IQGAP2: variants seen among roughly 807,000 people sequenced by gnomAD.
The protein encoded by IQGAP2 is IQ motif containing GTPase activating protein 2.
A neutral mutation model predicts 201.3 loss-of-function variants in IQGAP2; 173 were observed. That is an observed-to-expected ratio of 0.86 (90% CI 0.76 to 0.98). The LOEUF is 0.98. Among genes scored for constraint, IQGAP2 ranks in the 50% least tolerant of loss-of-function variants. The probability of loss-of-function intolerance (pLI) is 0.00; values close to 1 mark genes in which losing one functional copy is unlikely to be tolerated. For synonymous variants in IQGAP2, 675 were observed against 673.9 expected (o/e 1.00, Z -0.03); for missense variants, 1,687 against 1,864.8 (o/e 0.90, Z 1.76).
chr5:76,516,623 G>A (rs1000357077), intron 2 of IQGAP2, among the ~76,000 whole-genome samples: 4 of 150,774 alleles, frequency 2.7e-5, no homozygotes, highest in Non-Finnish European at 4.4e-5. Context: ...GCGTGTGTTG[G>A]GGGAGGGGGT....
intron 35 of IQGAP2, among the ~76,000 whole-genome samples, chr5:76,705,386 T>A (rs1048596042): frequency 1.3e-5 from 2 of 152,212 alleles, no homozygotes; most frequent in African/African-American, 4.8e-5. Flanking sequence ...AGTTATGTCA[T>A]GTTGCAAGGT....
At chr5:76,496,729 C>CTTTTCTTTCTTTCTTTCTTTCT (rs1268116626) in intron 2 of IQGAP2, among the ~76,000 whole-genome samples, 6 of 31,668 alleles carry the variant, frequency 1.9e-4, no homozygotes, top group African/African-American at 8.7e-4. Flanking sequence ...TCTTTCTTTT[C>CTTTTCTTTCTTTCTTTCTTTCT]TTTCTTTCTT....
At chr5:76,692,166 A>G (rs141997064) in intron 30 of IQGAP2, among the ~76,000 whole-genome samples, 209 of 152,200 alleles carry the variant, frequency 1.4e-3, no homozygotes, top group African/African-American at 4.9e-3. Flanking sequence ...CTAGATATCT[A>G]TCTGAGATGG....
At chr5:76,560,764 G>A (rs1744309778) in intron 2 of IQGAP2, among the ~76,000 whole-genome samples, 1 of 152,120 alleles carries the variant, frequency 6.6e-6, no homozygotes, top group Admixed American at 6.6e-5. Context: ...GCTCTTTGAA[G>A]GCAAGGCTTA....
At chr5:76,618,067 A>G in intron 13 of IQGAP2, 1 of 1,614,156 alleles carries the variant, frequency 6.2e-7, no homozygotes, top group South Asian at 1.1e-5. Flanking sequence ...ACCAGTCCAC[A>G]TGTTACCAAG....
At chr5:76,666,110 C>T (rs1743735019) in intron 22 of IQGAP2, among the ~76,000 whole-genome samples, 1 of 152,120 alleles carries the variant, frequency 6.6e-6, no homozygotes, top group Non-Finnish European at 1.5e-5. Flanking sequence ...TGGAGAAACA[C>T]GATGTTAATT....
chr5:76,666,311 G>A (rs1743755606), intron 22 of IQGAP2, among the ~76,000 whole-genome samples: 1 of 152,164 alleles, frequency 6.6e-6, no homozygotes, highest in Non-Finnish European at 1.5e-5. Flanking sequence ...CTTTAAACAG[G>A]AAAGGACTTT....
intron 2 of IQGAP2, among the ~76,000 whole-genome samples, chr5:76,521,367 T>A (rs1196329301): frequency 6.6e-6 from 1 of 152,208 alleles, no homozygotes; most frequent in Non-Finnish European, 1.5e-5. Flanking sequence ...CGTCACTATT[T>A]CCTATTTCTC....
At chr5:76,516,572 A>C (rs1208945715) in intron 2 of IQGAP2, among the ~76,000 whole-genome samples, 2 of 152,338 alleles carry the variant, frequency 1.3e-5, no homozygotes, top group Non-Finnish European at 2.9e-5. Flanking sequence ...GAGAAACTCC[A>C]AATATAAGGA....
At chr5:76,693,798 A>T in intron 31 of IQGAP2, 1 of 164,406 alleles carries the variant, frequency 6.1e-6, no homozygotes, top group Non-Finnish European at 1.3e-5. Flanking sequence ...CATTTTATGT[A>T]TTTACTAACT....
intron 2 of IQGAP2, among the ~76,000 whole-genome samples, chr5:76,557,357 TG>T (rs1313339631): frequency 6.6e-6 from 1 of 152,220 alleles, no homozygotes; most frequent in Non-Finnish European, 1.5e-5. Flanking sequence ...CTCTTCCTTA[TG>T]GGGTCATCAT....
intron 31 of IQGAP2, among the ~76,000 whole-genome samples, chr5:76,694,317 C>A (rs1467622717): frequency 1.3e-5 from 2 of 152,184 alleles, no homozygotes; most frequent in Admixed American, 6.5e-5. Flanking sequence ...CTTCAAATCA[C>A]ACGTTTGTTA....
chr5:76,412,901 C>T (rs1409759764), intron 1 of IQGAP2, among the ~76,000 whole-genome samples: 3 of 152,112 alleles, frequency 2.0e-5, no homozygotes, highest in Non-Finnish European at 4.4e-5. Flanking sequence ...GTGGAAAATG[C>T]ATCATCAAAG....
chr5:76,648,534 A>C (rs567091085), intron 17 of IQGAP2, among the ~76,000 whole-genome samples: 63 of 152,372 alleles, frequency 4.1e-4, no homozygotes, highest in African/African-American at 1.4e-3. Context: ...ACTTAAGTTT[A>C]AAATAACAAT....
In IQGAP2 at chr5:76,582,608, C is replaced by T. The variant is rs116575996; in HGVS notation, c.459-6298C>T. Among the ~76,000 whole-genome samples, 1,409 of 152,250 alleles carry T rather than the reference C, an allele frequency of 9.3e-3. 23 individuals carry two copies. The highest frequency in any genetic ancestry group is 0.032 in the African/African-American group (1,321 of 41,538). ...CAAGAAAGCTGAAATAAATTTAGCT[C>T]CTGCCTTTTAAGTTTGCATTTCATT... On this transcript the variant is annotated intron_variant, in intron 5 of 35. Coordinates refer to ENST00000274364, the MANE Select transcript of IQGAP2 (RefSeq NM_006633.5).
At chr5:76,464,152 A>C (rs750243513) in intron 2 of IQGAP2, among the ~76,000 whole-genome samples, 1 of 152,180 alleles carries the variant, frequency 6.6e-6, no homozygotes, top group African/African-American at 2.4e-5. Context: ...TACTCGGCCA[A>C]GACACAAATA....
chr5:76,623,432 C>T (rs1248728122), intron 13 of IQGAP2: 1 of 598,190 alleles, frequency 1.7e-6, no homozygotes, highest in Non-Finnish European at 2.9e-6. Context: ...CTTCAGTAAG[C>T]ATGACTCAGG....
At chr5:76,459,139 T>A (rs1450005593) in intron 1 of IQGAP2, among the ~76,000 whole-genome samples, 1 of 152,196 alleles carries the variant, frequency 6.6e-6, no homozygotes, top group Non-Finnish European at 1.5e-5. Flanking sequence ...AATTCACACA[T>A]TAAGTAAAAT....
Position 76,597,442 on chromosome 5 carries a change from A to T in IQGAP2, c.911A>T (p.Gln304Leu). The T allele has an allele frequency of 6.2e-7, 1 of 1,613,878 alleles. No homozygotes were observed. Among genetic ancestry groups the T allele is most frequent in the Non-Finnish European group, 8.5e-7 (1 of 1,179,900 alleles). The change falls in exon 10 of 36, where the codon CAG becomes CTG. Residue 304 changes from glutamine to leucine, a missense_variant. Coordinates refer to ENST00000274364, the MANE Select transcript of IQGAP2 (RefSeq NM_006633.5). Reference sequence around the variant, plus strand: ...AAACATGAACCCCCATCCTCAGGGCAGGCTGCAGTGGACCATATCAATGCT... The same window carrying T: ...AAACATGAACCCCCATCCTCAGGGCTGGCTGCAGTGGACCATATCAATGCT... ...IQGNINKVNRQAAVDHINAVI... is the reference protein window; with the variant it reads ...IQGNINKVNRLAAVDHINAVI...
Sources: gnomAD v4.1 joint callset for allele counts (sites outside exome capture counted in the v4.1 genomes callset) on GRCh38, gnomAD v4.1.1 for gene constraint, MANE v1.5 for transcripts, NCBI Gene and HGNC (gene_info 2026-07-23, HGNC 2026-07-21) for gene names.